VGLL4: variants seen among roughly 807,000 people sequenced by gnomAD.
The protein encoded by VGLL4 is transcription cofactor vestigial-like protein 4.
A neutral mutation model predicts 21.0 loss-of-function variants in VGLL4; 7 were observed. That is an observed-to-expected ratio of 0.33 (90% CI 0.19 to 0.63). VGLL4 has a LOEUF of 0.63. VGLL4 is among the 20% of genes least tolerant of loss of function. The probability of loss-of-function intolerance (pLI) is 0.78; values close to 1 mark genes in which losing one functional copy is unlikely to be tolerated. For missense variants in VGLL4, 394 were observed against 425.7 expected (o/e 0.93, Z 0.66); for synonymous variants, 222 against 173.2 (o/e 1.28, Z -2.21).
intron 2 of VGLL4, among the ~76,000 whole-genome samples, chr3:11,654,635 T>C (rs2075929664): frequency 6.6e-6 from 1 of 152,372 alleles, no homozygotes; most frequent in African/African-American, 2.4e-5. Flanking sequence ...CACCTGTAAG[T>C]ATCTTAAAAT....
At chr3:11,664,441 C>T (rs2076080760) in intron 2 of VGLL4, among the ~76,000 whole-genome samples, 1 of 152,152 alleles carries the variant, frequency 6.6e-6, no homozygotes, top group African/African-American at 2.4e-5. Context: ...GGGCAATCAC[C>T]TCTGCTTTCT....
At chr3:11,684,413 CT>C (rs1272633383) in intron 2 of VGLL4, among the ~76,000 whole-genome samples, 2 of 151,706 alleles carry the variant, frequency 1.3e-5, no homozygotes, top group Non-Finnish European at 2.9e-5. Flanking sequence ...CAGGGTCTTA[CT>C]TTGTCACCCA....
intron 2 of VGLL4, among the ~76,000 whole-genome samples, chr3:11,677,861 T>C (rs73012819): frequency 0.53 from 77,515 of 145,328 alleles, 21,517 homozygotes; most frequent in Non-Finnish European, 0.63. Flanking sequence ...GCTGAGATCG[T>C]GCCACTGTAC....
At chr3:11,616,648 C>G (rs1390260764) in intron 1 of VGLL4, among the ~76,000 whole-genome samples, 2 of 152,184 alleles carry the variant, frequency 1.3e-5, no homozygotes, top group African/African-American at 4.8e-5. Context: ...ATTTAAAAGG[C>G]TAATTGTTGA....
intron 1 of VGLL4, among the ~76,000 whole-genome samples, chr3:11,716,495 A>G (rs1333421073): frequency 6.6e-6 from 1 of 152,138 alleles, no homozygotes; most frequent in East Asian, 1.9e-4. Context: ...AATGTCGAAG[A>G]AAGTGTCAGA....
chr3:11,699,981 G>A (rs1172965555), intron 2 of VGLL4, among the ~76,000 whole-genome samples: 11 of 152,112 alleles, frequency 7.2e-5, no homozygotes, highest in East Asian at 3.9e-4. Context: ...TTGTTTCTCC[G>A]AAAACAGCTC....
At chr3:11,672,990 T>C (rs1016035851) in intron 2 of VGLL4, among the ~76,000 whole-genome samples, 1 of 152,182 alleles carries the variant, frequency 6.6e-6, no homozygotes, top group South Asian at 2.1e-4. Context: ...TCTAGAAACC[T>C]GACCAGCCCA....
chr3:11,588,851 G>A (rs2074419235), intron 2 of VGLL4, among the ~76,000 whole-genome samples: 1 of 152,258 alleles, frequency 6.6e-6, no homozygotes, highest in East Asian at 1.9e-4. Context: ...CACCCAGTGA[G>A]AGGGTGGATC....
At chr3:11,698,339 C>T (rs779639546) in intron 2 of VGLL4, among the ~76,000 whole-genome samples, 1 of 152,118 alleles carries the variant, frequency 6.6e-6, no homozygotes, top group Admixed American at 6.6e-5. Flanking sequence ...TGAAACCCCT[C>T]CTCTACTAAA....
chr3:11,573,285 AAGAAAGAAAGAAAG>A (rs1378865972), intron 2 of VGLL4, among the ~76,000 whole-genome samples: 1 of 12,440 alleles, frequency 8.0e-5, no homozygotes, highest in Non-Finnish European at 1.3e-4. Context: ...GAAAGAAAGA[AAGAAAGAAAGAAAG>A]AAAGAAAGGA....
In VGLL4 at chr3:11,556,650, A is replaced by AATTTTTCCCTTTC. The variant is rs1267704182; in HGVS notation, c.*1905_*1906insGAAAGGGAAAAAT. On this transcript the variant is annotated 3_prime_UTR_variant, in exon 5 of 5. Coordinates refer to ENST00000430365, the MANE Select transcript of VGLL4 (RefSeq NM_001128219.3). ...CGAACAACAAAAAAAATGAATGATT[A>AATTTTTCCCTTTC]CAATAGGAAAGGGAAAAATTAAATA... The AATTTTTCCCTTTC allele has an allele frequency of 6.5e-6, 1 of 152,716 alleles. No individual in the cohort carries two copies. Among genetic ancestry groups the AATTTTTCCCTTTC allele is most frequent in the Non-Finnish European group, 1.5e-5 (1 of 68,038 alleles). 9.5% of individuals were successfully genotyped at this position (152,716 alleles called of 1,614,324 possible).
upstream of VGLL4, among the ~76,000 whole-genome samples, chr3:11,646,755 G>A (rs1430214068): frequency 2.6e-5 from 4 of 152,022 alleles, no homozygotes; most frequent in South Asian, 2.1e-4. Context: ...AACCATTTTC[G>A]TGGACACCGT....
At chr3:11,713,229 C>T (rs567261325) in intron 1 of VGLL4, among the ~76,000 whole-genome samples, 2 of 152,262 alleles carry the variant, frequency 1.3e-5, no homozygotes, top group African/African-American at 2.4e-5. Flanking sequence ...CTGCTCACAA[C>T]CTTAAATTGT....
intron 2 of VGLL4, among the ~76,000 whole-genome samples, chr3:11,574,699 C>G (rs2073975950): frequency 6.6e-6 from 1 of 151,874 alleles, no homozygotes; most frequent in South Asian, 2.1e-4. Flanking sequence ...GGCTAACCAC[C>G]CTGAGCTCAT....
chr3:11,559,671 T>C (rs1036189819), intron 3 of VGLL4, among the ~76,000 whole-genome samples: 1 of 152,228 alleles, frequency 6.6e-6, no homozygotes, highest in African/African-American at 2.4e-5. Flanking sequence ...TGGTCGTGGC[T>C]GTTTGGATCA....
intron 2 of VGLL4, among the ~76,000 whole-genome samples, chr3:11,650,581 T>C (rs2075855843): frequency 6.6e-6 from 1 of 152,172 alleles, no homozygotes; most frequent in South Asian, 2.1e-4. Flanking sequence ...TTAGAAAATA[T>C]GAGTAACCCT....
chr3:11,638,674 G>A (rs111652354), intron 1 of VGLL4, among the ~76,000 whole-genome samples: 2 of 152,122 alleles, frequency 1.3e-5, no homozygotes, highest in African/African-American at 4.8e-5. Context: ...TCAAGAGCTC[G>A]TCACTTGATA....
intron 1 of VGLL4, among the ~76,000 whole-genome samples, chr3:11,620,968 C>T (rs1398629118): frequency 6.6e-6 from 1 of 152,192 alleles, no homozygotes; most frequent in Non-Finnish European, 1.5e-5. Flanking sequence ...GCAGTGAATG[C>T]CCCTTACCAC....
chr3:11,627,327 C>T (rs1024472004), intron 1 of VGLL4: 3 of 151,948 alleles, frequency 2.0e-5, no homozygotes, highest in Non-Finnish European at 1.5e-5. Context: ...TCTGTAATCC[C>T]AGCACTTTGG....
Sources: allele counts gnomAD v4.1 joint callset (sites outside exome capture counted in the v4.1 genomes callset), GRCh38; gene constraint gnomAD v4.1.1; transcripts MANE v1.5; gene names NCBI Gene and HGNC (gene_info 2026-07-23, HGNC 2026-07-21).